The following SSBP2 variants were observed in gnomAD, a reference collection of about 807,000 sequenced individuals.
SSBP2 encodes single stranded DNA binding protein 2, also known as single-stranded DNA-binding protein 2.
Under a neutral mutation model 61.8 loss-of-function variants are expected in SSBP2, and 17 were observed. The ratio of observed to expected loss-of-function variants is 0.28; its 90% CI spans 0.19 to 0.41. SSBP2 has a LOEUF of 0.41. SSBP2 is among the 10% of genes least tolerant of loss of function. The pLI is 1.00. For synonymous variants in SSBP2, 139 were observed against 141.3 expected, an observed-to-expected ratio of 0.98 and a Z score of 0.12; for missense variants, 310 against 458.7, an observed-to-expected ratio of 0.68 and a Z score of 2.96.
chr5:81,744,649 AT>A (rs1455327050), intron 1 of SSBP2, among the ~76,000 whole-genome samples: 1 of 151,912 alleles, frequency 6.6e-6, no homozygotes, highest in Non-Finnish European at 1.5e-5. Flanking sequence ...AGCCTCTACA[AT>A]TTTTTTTCTG....
At chr5:81,499,203 T>C (rs1156402971) in intron 5 of SSBP2, among the ~76,000 whole-genome samples, 3 of 152,200 alleles carry the variant, frequency 2.0e-5, no homozygotes, top group Admixed American at 1.3e-4. Flanking sequence ...AGATATTCTA[T>C]CATCAACACT....
intron 16 of SSBP2, among the ~76,000 whole-genome samples, chr5:81,426,457 G>A (rs1161572676): frequency 6.6e-6 from 1 of 152,182 alleles, no homozygotes; most frequent in African/African-American, 2.4e-5. Context: ...AGAGAAAGCA[G>A]GGAACTTCTG....
At chr5:81,704,728 G>A (rs981451996) in intron 1 of SSBP2, among the ~76,000 whole-genome samples, 8 of 145,654 alleles carry the variant, frequency 5.5e-5, no homozygotes, top group Non-Finnish European at 7.5e-5. Flanking sequence ...CCCAGGAGGC[G>A]GAGGTTGCAG....
Position 81,453,902 on chromosome 5 carries a change from G to A in SSBP2, c.688-5077C>T, listed in dbSNP as rs77704950. ...GAAAAGATATTAATACAAAACCAAG[G>A]AGTCAAATATCTCAAATGTTAGGTA... On this transcript the variant is annotated intron_variant, in intron 10 of 16. Coordinates refer to ENST00000320672, the MANE Select transcript of SSBP2 (RefSeq NM_012446.5). Among the ~76,000 whole-genome samples the A allele has an allele frequency of 1.7e-3, 260 of 152,290 alleles. 2 individuals carry two copies. In the East Asian group the frequency reaches 0.034, roughly 20 times the overall value.
At chr5:81,732,706 T>C (rs998634590) in intron 1 of SSBP2, among the ~76,000 whole-genome samples, 1 of 152,238 alleles carries the variant, frequency 6.6e-6, no homozygotes, top group African/African-American at 2.4e-5. Context: ...TTACTTTGGG[T>C]GGGTCATACA....
chr5:81,608,658 A>G (rs1745119610), intron 4 of SSBP2, among the ~76,000 whole-genome samples: 1 of 152,168 alleles, frequency 6.6e-6, no homozygotes, highest in Non-Finnish European at 1.5e-5. Context: ...CAGTTTTCAA[A>G]CTTTTTAAAA....
intron 3 of SSBP2, among the ~76,000 whole-genome samples, chr5:81,623,970 T>C (rs904832968): frequency 4.6e-5 from 7 of 152,178 alleles, no homozygotes; most frequent in African/African-American, 9.6e-5. Flanking sequence ...GGCAAAGAAA[T>C]AGAGCCTTTA....
intron 9 of SSBP2, 84 bp downstream of exon 9, chr5:81,466,890 T>C: frequency 2.4e-6 from 2 of 826,356 alleles, no homozygotes; most frequent in South Asian, 3.3e-5. Flanking sequence ...TAGAACACTT[T>C]ACTAAATAGA....
rs959788802 is a variant in SSBP2 at position 81,414,755 on chromosome 5, C to T, written c.*5749G>A. 9 of 152,138 alleles carry T rather than the reference C, an allele frequency of 5.9e-5. No homozygotes were observed. The highest frequency in any genetic ancestry group is 1.9e-4 in the East Asian group (1 of 5,196). 9.4% of individuals were successfully genotyped at this position (152,138 alleles called of 1,614,324 possible). ...ACCTACGCACAGGAGACTCCATCTGCGTATGTCTTGTATTACTCTTTCCAT... is the reference window on the plus strand; with the variant it reads ...ACCTACGCACAGGAGACTCCATCTGTGTATGTCTTGTATTACTCTTTCCAT... On this transcript the variant is annotated 3_prime_UTR_variant, in exon 17 of 17. Coordinates refer to ENST00000320672, the MANE Select transcript of SSBP2 (RefSeq NM_012446.5).
chr5:81,637,241 C>T (rs1351898204), intron 2 of SSBP2, among the ~76,000 whole-genome samples: 1 of 152,190 alleles, frequency 6.6e-6, no homozygotes, highest in Non-Finnish European at 1.5e-5. Context: ...TCCCACACTC[C>T]CTCTCCTTAG....
chr5:81,561,997 C>T (rs148069242), intron 4 of SSBP2, among the ~76,000 whole-genome samples: 2 of 152,026 alleles, frequency 1.3e-5, no homozygotes, highest in Admixed American at 6.5e-5. Flanking sequence ...CTCCATCTCC[C>T]GAGTTCAAGC....
intron 1 of SSBP2, among the ~76,000 whole-genome samples, chr5:81,745,722 ACT>A (rs780485392): frequency 4.6e-5 from 7 of 152,034 alleles, no homozygotes; most frequent in Admixed American, 1.3e-4. Flanking sequence ...TGTCTTTCAA[ACT>A]CAGTACTTTT....
chr5:81,584,587 A>T (rs573142655), intron 4 of SSBP2, among the ~76,000 whole-genome samples: 2 of 152,314 alleles, frequency 1.3e-5, no homozygotes, highest in African/African-American at 4.8e-5. Flanking sequence ...ACAAAGGCCA[A>T]ACAAGTATCC....
At position 81,474,551 on chromosome 5, in the gene SSBP2, A is replaced by G; in HGVS notation, c.444T>C (p.Gly148=). The G allele has an allele frequency of 6.2e-7, 1 of 1,610,454 alleles. No individual in the cohort carries two copies. Among genetic ancestry groups the G allele is most frequent in the South Asian group, 1.1e-5 (1 of 90,734 alleles). Residue 148 remains glycine, a synonymous_variant, in exon 7 of 17, where the codon GGT becomes GGC. Coordinates refer to ENST00000320672, the MANE Select transcript of SSBP2 (RefSeq NM_012446.5). Reference sequence around the variant, plus strand: ...GGAGTAATGGCTGACTTCCTGGGACACCTCCAAGTGCCTAGCAATTTATTA... The same window carrying G: ...GGAGTAATGGCTGACTTCCTGGGACGCCTCCAAGTGCCTAGCAATTTATTA...
rs1270568545 is a variant in SSBP2 at position 81,751,034 on chromosome 5, G to A, written c.9C>T (p.Gly3=). ...CGGCGCTGCTGTTACTCTTGCCTTT[G>A]CCGTACATGCTTGTGCCGAGAGCAG... Residue 3 remains glycine, a synonymous_variant, in exon 1 of 17, where the codon GGC becomes GGT. Transcript: ENST00000320672. The A allele has an allele frequency of 1.3e-6, 2 of 1,597,116 alleles. No individual in the cohort carries two copies. The highest frequency in any genetic ancestry group is 1.3e-5 in the African/African-American group (1 of 74,550).
At chr5:81,540,366 A>G (rs1055982220) in intron 4 of SSBP2, among the ~76,000 whole-genome samples, 6 of 152,208 alleles carry the variant, frequency 3.9e-5, no homozygotes, top group South Asian at 2.1e-4. Flanking sequence ...CCAACAGTGT[A>G]AAAGCGTTCT....
intron 1 of SSBP2, among the ~76,000 whole-genome samples, chr5:81,688,142 A>G (rs913622346): frequency 2.0e-5 from 3 of 152,244 alleles, no homozygotes; most frequent in Non-Finnish European, 2.9e-5. Flanking sequence ...GCCAGGCAGT[A>G]TTCACTGCAG....
chr5:81,497,666 A>C (rs1027614109), intron 5 of SSBP2, among the ~76,000 whole-genome samples: 8 of 152,156 alleles, frequency 5.3e-5, no homozygotes, highest in African/African-American at 1.9e-4. Flanking sequence ...CCTAAGTAAG[A>C]GTAAGTAAAA....
At chr5:81,607,303 G>C (rs1368322119) in intron 4 of SSBP2, among the ~76,000 whole-genome samples, 1 of 152,172 alleles carries the variant, frequency 6.6e-6, no homozygotes, top group African/African-American at 2.4e-5. Context: ...AATCACGTAA[G>C]AGTGGTACAA....
Sources: gnomAD v4.1 joint callset for allele counts (sites outside exome capture counted in the v4.1 genomes callset) on GRCh38, gnomAD v4.1.1 for gene constraint, MANE v1.5 for transcripts, NCBI Gene and HGNC (gene_info 2026-07-23, HGNC 2026-07-21) for gene names.